Variants in EPHA3 observed in about 807,000 individuals in gnomAD.
EPHA3 encodes EPH receptor A3.
In EPHA3, 42 loss-of-function variants were observed where a neutral mutation model predicts 107.1. The observed-to-expected ratio is 0.39, with a 90% confidence interval of 0.31 to 0.51. EPHA3 has a LOEUF of 0.51. Among genes scored for constraint, EPHA3 ranks in the 20% least tolerant of loss-of-function variants. The pLI, the probability that EPHA3 is intolerant of heterozygous loss-of-function variation, is 0.78. For missense variants in EPHA3, 1,183 were observed against 1,211.2 expected (o/e 0.98, Z 0.35); for synonymous variants, 461 against 424.8 (o/e 1.09, Z -1.05).
At chr3:89,201,326 A>G (rs778571249) in intron 2 of EPHA3, among the ~76,000 whole-genome samples, 1 of 152,186 alleles carries the variant, frequency 6.6e-6, no homozygotes, top group Non-Finnish European at 1.5e-5. Flanking sequence ...ATTGGGGATT[A>G]CCATTCACCG....
chr3:89,449,097 C>T, intron 13 of EPHA3, 128 bp from the exon 14 acceptor site: 1 of 847,728 alleles, frequency 1.2e-6, no homozygotes, highest in East Asian at 3.2e-5. Flanking sequence ...CAAAATGTTT[C>T]ACAGAAATGC....
intron 5 of EPHA3, among the ~76,000 whole-genome samples, chr3:89,363,083 G>T (rs140365755): frequency 1.3e-5 from 2 of 150,784 alleles, no homozygotes; most frequent in African/African-American, 4.8e-5. Flanking sequence ...ATAGGTTTTG[G>T]TTTCATGCAT....
At chr3:89,363,052 C>T (rs552353477) in intron 5 of EPHA3, among the ~76,000 whole-genome samples, 2 of 150,984 alleles carry the variant, frequency 1.3e-5, no homozygotes, top group Non-Finnish European at 3.0e-5. Flanking sequence ...AGCTAGGTAT[C>T]TATCTACTCT....
intron 2 of EPHA3, among the ~76,000 whole-genome samples, chr3:89,134,138 C>A (rs1704261515): frequency 6.6e-6 from 1 of 151,206 alleles, no homozygotes; most frequent in Admixed American, 6.6e-5. Flanking sequence ...ACTTTGAGTT[C>A]TTCGGCAACC....
intron 10 of EPHA3, among the ~76,000 whole-genome samples, chr3:89,418,850 G>A (rs543190461): frequency 6.6e-6 from 1 of 151,504 alleles, no homozygotes; most frequent in Admixed American, 6.6e-5. Context: ...TGTTGGTGCT[G>A]TCCTGTTAAT....
At chr3:89,468,647 T>G (rs1345171748) in intron 15 of EPHA3, among the ~76,000 whole-genome samples, 1 of 152,208 alleles carries the variant, frequency 6.6e-6, no homozygotes, top group African/African-American at 2.4e-5. Flanking sequence ...GTTTAATGTC[T>G]TGTCTCATTC....
chr3:89,180,914 GAA>G (rs1299545512), intron 2 of EPHA3, among the ~76,000 whole-genome samples: 6 of 151,670 alleles, frequency 4.0e-5, no homozygotes, highest in Admixed American at 1.3e-4. Flanking sequence ...CAGAGAGTTG[GAA>G]AAAAAGAGAT....
intron 5 of EPHA3, among the ~76,000 whole-genome samples, chr3:89,370,930 A>G (rs1708288262): frequency 7.0e-6 from 1 of 142,052 alleles, no homozygotes; most frequent in South Asian, 2.1e-4. Context: ...GCAGTTTTTC[A>G]TCTTTTCTGT....
chr3:89,472,581 G>A lies in EPHA3; in HGVS notation c.2808G>A (p.Glu936=), dbSNP rs2107575375. 6.2e-7 allele frequency: 1 copy of A among 1,613,600 alleles called. No homozygotes were observed. Residue 936 remains glutamate, a synonymous_variant, in exon 16 of 17, where the codon GAG becomes GAA. Transcript: ENST00000336596. ...AHCKEIFTGV[E]YSSCDTIAKI... is the part of the protein sequence containing the mutation. The stretch of plus-strand genomic sequence containing the variant: ...GCAAGGAAATCTTCACGGGTGTGGA[G>A]TACAGTTCTTGTGACACAATAGCCA...
At chr3:89,458,144 G>A (rs1373767498) in intron 15 of EPHA3, among the ~76,000 whole-genome samples, 1 of 152,144 alleles carries the variant, frequency 6.6e-6, no homozygotes, top group African/African-American at 2.4e-5. Context: ...CAGATTTTAG[G>A]CACCTTGTAA....
chr3:89,358,352 A>T (rs908102269), intron 5 of EPHA3, among the ~76,000 whole-genome samples: 4 of 150,068 alleles, frequency 2.7e-5, no homozygotes, highest in African/African-American at 9.7e-5. Flanking sequence ...AATGTGGTCT[A>T]AAAAAAAACC....
chr3:89,290,314 A>G (rs1033984631), intron 3 of EPHA3, among the ~76,000 whole-genome samples: 1 of 152,138 alleles, frequency 6.6e-6, no homozygotes, highest in Non-Finnish European at 1.5e-5. Flanking sequence ...ATTTCTGCCA[A>G]ACTTACTCTG....
chr3:89,280,862 C>A (rs1705929953), intron 3 of EPHA3, among the ~76,000 whole-genome samples: 2 of 151,966 alleles, frequency 1.3e-5, no homozygotes. Context: ...CAGCTAAAGT[C>A]TGTGACGTAA....
intron 2 of EPHA3, among the ~76,000 whole-genome samples, chr3:89,164,164 G>C (rs1368989722): frequency 6.6e-6 from 1 of 152,188 alleles, no homozygotes; most frequent in Non-Finnish European, 1.5e-5. Flanking sequence ...GCCTAGACAA[G>C]GAATGTCCAA....
At chr3:89,369,836 A>T (rs567220243) in intron 5 of EPHA3, among the ~76,000 whole-genome samples, 32 of 150,732 alleles carry the variant, frequency 2.1e-4, no homozygotes, top group Non-Finnish European at 4.3e-4. Flanking sequence ...CCCATCAAAA[A>T]GTGGGAAAAG....
chr3:89,262,289 A>C (rs1204595419), intron 3 of EPHA3, among the ~76,000 whole-genome samples: 1 of 152,182 alleles, frequency 6.6e-6, no homozygotes, highest in East Asian at 1.9e-4. Context: ...GACTTAAAAC[A>C]ACAGAATATA....
intron 16 of EPHA3, among the ~76,000 whole-genome samples, chr3:89,477,386 A>G (rs556403875): frequency 1.3e-5 from 2 of 152,252 alleles, no homozygotes; most frequent in Admixed American, 1.3e-4. Context: ...GTCATCAGGA[A>G]CCTTCTCAGC....
intron 3 of EPHA3, among the ~76,000 whole-genome samples, chr3:89,293,987 G>A (rs1020372866): frequency 2.0e-5 from 3 of 152,092 alleles, no homozygotes; most frequent in African/African-American, 7.2e-5. Context: ...TTCATGTAAT[G>A]AAGTAGTATA....
At chr3:89,371,269 C>G (rs1431309685) in intron 5 of EPHA3, among the ~76,000 whole-genome samples, 1 of 151,592 alleles carries the variant, frequency 6.6e-6, no homozygotes, top group Non-Finnish European at 1.5e-5. Context: ...CCATAAAATT[C>G]TACTTGAGCA....
Sources: allele counts gnomAD v4.1 joint callset (sites outside exome capture counted in the v4.1 genomes callset), GRCh38; gene constraint gnomAD v4.1.1; transcripts MANE v1.5; gene names NCBI Gene and HGNC (gene_info 2026-07-23, HGNC 2026-07-21).